Variants in ASCC3 observed in about 807,000 individuals in gnomAD.
The protein encoded by ASCC3 is activating signal cointegrator 1 complex subunit 3.
In ASCC3, 158 loss-of-function variants were observed where a neutral mutation model predicts 256.3. The observed-to-expected ratio is 0.62, with a 90% confidence interval of 0.54 to 0.70. The LOEUF is 0.70. Among genes scored for constraint, ASCC3 ranks in the 30% least tolerant of loss-of-function variants. The pLI, the probability that ASCC3 is intolerant of heterozygous loss-of-function variation, is 0.00. For synonymous variants in ASCC3, 948 were observed against 883.4 expected, an observed-to-expected ratio of 1.07 and a Z score of -1.30; for missense variants, 2,259 against 2,626.0, an observed-to-expected ratio of 0.86 and a Z score of 3.05.
rs1781674312 is a variant in ASCC3, at chr6:100,766,711, C to T, written c.1597-6G>A. On this transcript the variant is annotated splice_region_variant and splice_polypyrimidine_tract_variant and intron_variant, in intron 9 of 41. Coordinates refer to ENST00000369162, the MANE Select transcript of ASCC3 (RefSeq NM_006828.4). ...ATTGGAGCAACATATACAATCTATA[C>T]CAAAGGAACACTAGCTTGATTAATG... 1 of 1,613,902 alleles carries T rather than the reference C, an allele frequency of 6.2e-7. No individual in the cohort carries two copies. The highest frequency in any genetic ancestry group is 8.5e-7 in the Non-Finnish European group (1 of 1,179,902).
chr6:100,560,811 C>A (rs1036286266), intron 36 of ASCC3, among the ~76,000 whole-genome samples: 11 of 150,588 alleles, frequency 7.3e-5, no homozygotes, highest in Admixed American at 2.7e-4. Flanking sequence ...AACAGGCAAG[C>A]ACATACTGTA....
intron 34 of ASCC3, among the ~76,000 whole-genome samples, chr6:100,597,632 T>C (rs988823436): frequency 6.6e-6 from 1 of 151,728 alleles, no homozygotes; most frequent in Non-Finnish European, 1.5e-5. Context: ...AACATATGTA[T>C]TGGTGGCTAC....
intron 8 of ASCC3, among the ~76,000 whole-genome samples, chr6:100,781,159 G>T (rs1782428837): frequency 6.6e-6 from 1 of 152,060 alleles, no homozygotes; most frequent in Non-Finnish European, 1.5e-5. Flanking sequence ...ACTATGAACT[G>T]CATTGTTGAT....
chr6:100,527,113 C>T (rs867053395), intron 37 of ASCC3, among the ~76,000 whole-genome samples: 8 of 152,154 alleles, frequency 5.3e-5, no homozygotes, highest in Middle Eastern at 3.4e-3. Context: ...CCTTAACAGT[C>T]GGTGTTGTTA....
intron 20 of ASCC3, 90 bp from the exon 21 acceptor site, chr6:100,647,541 A>G: frequency 8.7e-7 from 1 of 1,151,234 alleles, no homozygotes. Flanking sequence ...GTCTGAAAAG[A>G]AGTGCAAGTC....
intron 8 of ASCC3, among the ~76,000 whole-genome samples, chr6:100,795,224 T>A (rs1253383596): frequency 6.6e-6 from 1 of 152,034 alleles, no homozygotes; most frequent in African/African-American, 2.4e-5. Flanking sequence ...CTTCTGGGAT[T>A]ATAGTATGGG....
At chr6:100,732,802 A>AACTGCC (rs1291829270) in intron 10 of ASCC3, among the ~76,000 whole-genome samples, 1 of 152,162 alleles carries the variant, frequency 6.6e-6, no homozygotes. Context: ...CAATTCGAGT[A>AACTGCC]ACTGCCACTG....
At chr6:100,756,904 T>G (rs1781206423) in intron 10 of ASCC3, among the ~76,000 whole-genome samples, 1 of 152,152 alleles carries the variant, frequency 6.6e-6, no homozygotes, top group Admixed American at 6.6e-5. Flanking sequence ...AAATTAATCT[T>G]TTAAAATGTA....
At chr6:100,776,971 A>C (rs1307149137) in intron 8 of ASCC3, among the ~76,000 whole-genome samples, 1 of 152,120 alleles carries the variant, frequency 6.6e-6, no homozygotes, top group Non-Finnish European at 1.5e-5. Flanking sequence ...GCTTAGGCTC[A>C]AAATTTCAGA....
intron 10 of ASCC3, among the ~76,000 whole-genome samples, chr6:100,725,966 T>G (rs12190574): frequency 0.48 from 72,405 of 149,594 alleles, 17,781 homozygotes; most frequent in South Asian, 0.62. Context: ...AATACACATG[T>G]TTTTTTAAAA....
At chr6:100,753,028 G>A (rs965182914) in intron 10 of ASCC3, among the ~76,000 whole-genome samples, 2 of 151,976 alleles carry the variant, frequency 1.3e-5, no homozygotes, top group African/African-American at 4.8e-5. Flanking sequence ...AGACATGAAG[G>A]GATTTCTAAA....
chr6:100,591,504 T>C (rs1200719047), intron 34 of ASCC3, among the ~76,000 whole-genome samples: 1 of 152,096 alleles, frequency 6.6e-6, no homozygotes, highest in Non-Finnish European at 1.5e-5. Flanking sequence ...TCCAATACTA[T>C]TTTTAGCTGT....
chr6:100,684,490 T>G (rs1379582440), intron 13 of ASCC3, among the ~76,000 whole-genome samples: 1 of 152,218 alleles, frequency 6.6e-6, no homozygotes, highest in Non-Finnish European at 1.5e-5. Context: ...CTAATGTTAT[T>G]GTCCAGAAAC....
chr6:100,691,789 CAT>C (rs1190396699), intron 13 of ASCC3, among the ~76,000 whole-genome samples: 1 of 151,748 alleles, frequency 6.6e-6, no homozygotes, highest in African/African-American at 2.4e-5. Flanking sequence ...ATCTATATAA[CAT>C]ATAGACTTGT....
intron 13 of ASCC3, among the ~76,000 whole-genome samples, chr6:100,680,086 A>G (rs934378266): frequency 1.3e-5 from 2 of 152,230 alleles, no homozygotes; most frequent in African/African-American, 2.4e-5. Context: ...TCATTGGAAG[A>G]TTACTACCAT....
chr6:100,692,950 TA>T (rs1582707544), intron 13 of ASCC3, among the ~76,000 whole-genome samples: 1 of 152,126 alleles, frequency 6.6e-6, no homozygotes, highest in East Asian at 1.9e-4. Context: ...CAGAAGATGT[TA>T]AAAATATGAT....
At chr6:100,519,872 C>A (rs1408901118) in intron 37 of ASCC3, among the ~76,000 whole-genome samples, 1 of 152,060 alleles carries the variant, frequency 6.6e-6, no homozygotes, top group Non-Finnish European at 1.5e-5. Context: ...GTAAAAAAAT[C>A]ATGCTCACTA....
intron 22 of ASCC3, among the ~76,000 whole-genome samples, chr6:100,645,951 T>G (rs1350295303): frequency 6.6e-6 from 1 of 152,024 alleles, no homozygotes; most frequent in Admixed American, 6.6e-5. Flanking sequence ...AAGAAACAGG[T>G]GATTGGGGGA....
At chr6:100,631,077 G>A (rs1774518013) in intron 26 of ASCC3, 51 bp downstream of exon 26, 2 of 1,302,666 alleles carry the variant, frequency 1.5e-6, no homozygotes, top group Non-Finnish European at 2.2e-6. Context: ...TTATTTCCTG[G>A]TCCTTTTAGT....
Sources: allele counts gnomAD v4.1 joint callset (sites outside exome capture counted in the v4.1 genomes callset), GRCh38; gene constraint gnomAD v4.1.1; transcripts MANE v1.5; gene names NCBI Gene and HGNC (gene_info 2026-07-23, HGNC 2026-07-21).